CALN1: variants seen among roughly 807,000 people sequenced by gnomAD.
The protein encoded by CALN1 is calneuron 1.
Under a neutral mutation model 30.6 loss-of-function variants are expected in CALN1, and 17 were observed. The observed-to-expected ratio is 0.56, with a 90% confidence interval of 0.38 to 0.83. CALN1 has a LOEUF of 0.83. CALN1 is among the 40% of genes least tolerant of loss of function. The pLI is 0.00. For missense variants in CALN1, 291 were observed against 354.9 expected, an observed-to-expected ratio of 0.82 and a Z score of 1.45; for synonymous variants, 156 against 131.4, an observed-to-expected ratio of 1.19 and a Z score of -1.28.
At chr7:72,144,834 C>T (rs1053499411) in intron 3 of CALN1, among the ~76,000 whole-genome samples, 26 of 152,164 alleles carry the variant, frequency 1.7e-4, no homozygotes, top group Non-Finnish European at 3.8e-4. Flanking sequence ...CAAAACCGCT[C>T]AACTACACGG....
At chr7:72,288,614 G>A (rs897692310) in intron 2 of CALN1, among the ~76,000 whole-genome samples, 9 of 152,148 alleles carry the variant, frequency 5.9e-5, no homozygotes, top group African/African-American at 1.4e-4. Context: ...CAATTTCCCC[G>A]ATAGCCTTGC....
intron 3 of CALN1, among the ~76,000 whole-genome samples, chr7:72,121,211 AT>A (rs1225614998): frequency 7.0e-6 from 1 of 143,874 alleles, no homozygotes; most frequent in African/African-American, 2.5e-5. Flanking sequence ...ATAATTCCAT[AT>A]TATGTATTAT....
chr7:72,502,867 T>C, the CALN1 span, among the ~76,000 whole-genome samples: 1 of 152,142 alleles, frequency 6.6e-6, no homozygotes, highest in South Asian at 2.1e-4. Flanking sequence ...AAAAAGAAAT[T>C]GTAGGCCGGG....
intron 3 of CALN1, among the ~76,000 whole-genome samples, chr7:72,209,069 T>TC (rs1290508070): frequency 1.7e-5 from 2 of 120,446 alleles, no homozygotes; most frequent in African/African-American, 6.4e-5. Context: ...CTCCATCCTG[T>TC]CCTCTCTCCT....
At chr7:72,179,925 A>G (rs2129546008) in intron 3 of CALN1, among the ~76,000 whole-genome samples, 1 of 152,348 alleles carries the variant, frequency 6.6e-6, no homozygotes, top group Middle Eastern at 3.4e-3. Context: ...TCAGGATTAA[A>G]AATATCTCAT....
chr7:72,365,603 A>T (rs867811907), intron 2 of CALN1, among the ~76,000 whole-genome samples: 1 of 151,926 alleles, frequency 6.6e-6, no homozygotes, highest in Non-Finnish European at 1.5e-5. Flanking sequence ...CAAATTTTTT[A>T]AATTTTTTTG....
chr7:71,873,067 G>T (rs1252439571), intron 5 of CALN1, among the ~76,000 whole-genome samples: 1 of 146,314 alleles, frequency 6.8e-6, no homozygotes, highest in African/African-American at 2.6e-5. Flanking sequence ...GCAGTGGCGC[G>T]ATCTTGGCTC....
chr7:71,798,846 C>T (rs1360856490), intron 6 of CALN1, among the ~76,000 whole-genome samples: 1 of 151,436 alleles, frequency 6.6e-6, no homozygotes, highest in Non-Finnish European at 1.5e-5. Context: ...GGCTGGTCTC[C>T]AACTCCTGAC....
At chr7:72,126,179 A>G (rs1299217247) in intron 3 of CALN1, among the ~76,000 whole-genome samples, 1 of 152,092 alleles carries the variant, frequency 6.6e-6, no homozygotes, top group Non-Finnish European at 1.5e-5. Context: ...TTGGTTTTCC[A>G]TTCCTGAGTT....
At chr7:71,945,910 C>T (rs1273209868) in intron 5 of CALN1, among the ~76,000 whole-genome samples, 2 of 152,190 alleles carry the variant, frequency 1.3e-5, no homozygotes, top group Admixed American at 6.5e-5. Context: ...CAAAACAGGT[C>T]CCTGGTGCCA....
chr7:72,301,420 C>T (rs1158567900), intron 2 of CALN1, among the ~76,000 whole-genome samples: 1 of 151,910 alleles, frequency 6.6e-6, no homozygotes, highest in Non-Finnish European at 1.5e-5. Context: ...CCAGCCTAGC[C>T]AACATGGTGA....
intron 2 of CALN1, among the ~76,000 whole-genome samples, chr7:72,298,411 G>A (rs908770577): frequency 3.9e-5 from 6 of 152,144 alleles, no homozygotes; most frequent in East Asian, 1.9e-4. Flanking sequence ...TCTGTTAATC[G>A]TTTTGGCCAA....
chr7:72,016,003 C>T (rs1800358180), intron 5 of CALN1, among the ~76,000 whole-genome samples: 1 of 152,128 alleles, frequency 6.6e-6, no homozygotes, highest in African/African-American at 2.4e-5. Flanking sequence ...AATCCCAGAA[C>T]TTTGGGAGGC....
intron 3 of CALN1, among the ~76,000 whole-genome samples, chr7:72,169,993 A>G (rs779158797): frequency 1.0e-4 from 15 of 149,768 alleles, no homozygotes; most frequent in Non-Finnish European, 1.8e-4. Flanking sequence ...GCACCTGGCC[A>G]ATTTTTATTG....
chr7:72,070,159 A>G (rs1306210715), intron 4 of CALN1, among the ~76,000 whole-genome samples: 2 of 152,212 alleles, frequency 1.3e-5, no homozygotes, highest in South Asian at 4.1e-4. Context: ...TGTCAAAACT[A>G]GTTTGGTCAG....
At chr7:72,328,644 A>G (rs537546229) in intron 2 of CALN1, among the ~76,000 whole-genome samples, 3 of 152,338 alleles carry the variant, frequency 2.0e-5, no homozygotes, top group Non-Finnish European at 2.9e-5. Context: ...AGTGTTTTGT[A>G]GATATAGTCT....
intron 3 of CALN1, among the ~76,000 whole-genome samples, chr7:72,271,575 A>AAAAAATATATATATATATATAT: frequency 0.012 from 599 of 51,990 alleles, 25 homozygotes; most frequent in Non-Finnish European, 0.015. Context: ...AAAAAAAAAA[A>AAAAAATATATATATATATATAT]ATATATATAT....
At chr7:72,330,791 G>C (rs1032701696) in intron 2 of CALN1, among the ~76,000 whole-genome samples, 3 of 152,142 alleles carry the variant, frequency 2.0e-5, no homozygotes, top group African/African-American at 4.8e-5. Flanking sequence ...TTTTAAAATA[G>C]ATTGTCACCC....
At chr7:71,864,520 G>A (rs1179264215) in intron 5 of CALN1, among the ~76,000 whole-genome samples, 3 of 152,126 alleles carry the variant, frequency 2.0e-5, no homozygotes, top group Admixed American at 1.3e-4. Flanking sequence ...GAATTAGAAC[G>A]AACCTGGACT....
Sources: gnomAD v4.1 joint callset for allele counts (sites outside exome capture counted in the v4.1 genomes callset) on GRCh38, gnomAD v4.1.1 for gene constraint, MANE v1.5 for transcripts, NCBI Gene and HGNC (gene_info 2026-07-23, HGNC 2026-07-21) for gene names.